The following RLF variants were observed in gnomAD, a reference collection of about 807,000 sequenced individuals.
RLF encodes zinc finger protein Rlf.
RLF carries 7 observed loss-of-function variants against 162.9 expected under a neutral mutation model. The ratio of observed to expected loss-of-function variants is 0.04; its 90% CI spans 0.02 to 0.08. The LOEUF (loss-of-function observed/expected upper bound fraction) is 0.08. Ranked by LOEUF, RLF falls within the 10% of genes least tolerant of loss-of-function variation. The pLI is 1.00. For missense variants in RLF, 1,664 were observed against 2,244.7 expected (o/e 0.74, Z 5.23); for synonymous variants, 782 against 791.5 (o/e 0.99, Z 0.20).
intron 3 of RLF, among the ~76,000 whole-genome samples, chr1:40,192,087 A>T (rs1642567558): frequency 6.6e-6 from 1 of 152,196 alleles, no homozygotes; most frequent in Non-Finnish European, 1.5e-5. Flanking sequence ...AAATGATATA[A>T]TGTTCTCTTT....
At chr1:40,162,268 T>A (rs1026170940) in intron 1 of RLF, among the ~76,000 whole-genome samples, 2 of 151,878 alleles carry the variant, frequency 1.3e-5, no homozygotes, top group African/African-American at 4.8e-5. Context: ...TAAGGCTGAC[T>A]CTTTGAGTAG....
chr1:40,176,166 C>A (rs754571114), intron 1 of RLF, among the ~76,000 whole-genome samples: 3 of 151,772 alleles, frequency 2.0e-5, no homozygotes, highest in African/African-American at 4.8e-5. Context: ...GAATTGTTTC[C>A]AGTTTTTGAC....
chr1:40,239,485 G>A lies in RLF; in HGVS notation c.4783G>A (p.Gly1595Ser), dbSNP rs772409278. Reference protein sequence around the residue: ...MENLVVCVKYGTKIKEEPPSE... With the variant: ...MENLVVCVKYSTKIKEEPPSE... ...GAATCTTGTTGTTTGCGTTAAGTACGGTACCAAAATTAAGGAGGAACCCCC... is the reference window on the plus strand; with the variant it reads ...GAATCTTGTTGTTTGCGTTAAGTACAGTACCAAAATTAAGGAGGAACCCCC... The change falls in exon 8 of 8, where the codon GGT (glycine) becomes AGT (serine). Residue 1595 changes from glycine (G) to serine (S), a missense_variant. Gly to Ser is a moderately conservative substitution (Grantham distance 56, BLOSUM62 0). Coordinates refer to ENST00000372771, the MANE Select transcript of RLF (RefSeq NM_012421.4). The A allele has an allele frequency of 3.2e-5, 51 of 1,613,780 alleles. No individual in the cohort carries two copies. Among genetic ancestry groups the A allele is most frequent in the East Asian group, 6.7e-5 (3 of 44,890 alleles).
chr1:40,194,844 TTATTTATG>T (rs1170443200), intron 3 of RLF, among the ~76,000 whole-genome samples: 1 of 121,160 alleles, frequency 8.3e-6, no homozygotes, highest in Non-Finnish European at 1.8e-5. Context: ...ATTTATTTAT[TTATTTATG>T]AGACGGAGTC....
chr1:40,185,094 T>C (rs1015400755), intron 1 of RLF, among the ~76,000 whole-genome samples: 1 of 151,948 alleles, frequency 6.6e-6, no homozygotes, highest in Non-Finnish European at 1.5e-5. Flanking sequence ...TTTTTTTAAT[T>C]GGCTGGGCAT....
At position 40,236,132 on chromosome 1, in the gene RLF, G is replaced by A. The variant is rs750185385; in HGVS notation, c.1430G>A (p.Arg477Gln). Residue 477 changes from arginine to glutamine, a missense_variant, in exon 8 of 8, where the codon CGA becomes CAA. Physicochemically the swap from Arg to Gln is conservative, Grantham distance 43. Coordinates refer to ENST00000372771, the MANE Select transcript of RLF (RefSeq NM_012421.4). The surrounding 1 kb of genome is among the most constrained non-coding windows in gnomAD (Gnocchi z 7.7). ...PEFWDWKTLK[R>Q]HCHQLLGQEA... ...TTTTGGGACTGGAAAACTTTAAAAC[G>A]ACACTGCCACCAACTTTTAGGACAA... 1.9e-6 allele frequency: 3 copies of A among 1,614,032 alleles called. No homozygotes were observed. Among genetic ancestry groups the A allele is most frequent in the South Asian group, 1.1e-5 (1 of 91,054 alleles).
intron 5 of RLF, among the ~76,000 whole-genome samples, chr1:40,207,524 T>G (rs866263236): frequency 6.6e-6 from 1 of 152,224 alleles, no homozygotes; most frequent in Admixed American, 6.5e-5. Context: ...GATCAGTGCT[T>G]GGGTCAATAG....
Position 40,240,308 on chromosome 1 carries a change from C to T in RLF, c.5606C>T (p.Thr1869Ile). 6.2e-7 allele frequency: 1 copy of T among 1,614,210 alleles called. No individual in the cohort carries two copies. The highest frequency in any genetic ancestry group is 1.3e-5 in the African/African-American group (1 of 75,062). The change falls in exon 8 of 8, where the codon ACA (threonine) becomes ATA (isoleucine). Residue 1869 changes from threonine (T) to isoleucine (I), a missense_variant. Physicochemically the swap from Thr to Ile is moderately conservative, Grantham distance 89. Coordinates refer to ENST00000372771, the MANE Select transcript of RLF (RefSeq NM_012421.4). ...NLRVVLDKAL[T>I]DCGELALKQL... ...AGGGTTGTATTGGACAAAGCATTAA[C>T]AGACTGTGGAGAGCTTGCCTTAAAA...
chr1:40,212,992 C>T (rs2124548426), intron 5 of RLF, among the ~76,000 whole-genome samples: 1 of 152,236 alleles, frequency 6.6e-6, no homozygotes, highest in East Asian at 1.9e-4. Flanking sequence ...CCACCTCCAC[C>T]ACCTTCTTTT....
chr1:40,191,664 A>AT (rs2124536427), intron 3 of RLF, among the ~76,000 whole-genome samples: 1 of 152,032 alleles, frequency 6.6e-6, no homozygotes, highest in African/African-American at 2.4e-5. Flanking sequence ...CTGCAGTGAG[A>AT]TATGATCACA....
At chr1:40,196,429 A>T (rs557795939) in intron 4 of RLF, among the ~76,000 whole-genome samples, 69 of 151,882 alleles carry the variant, frequency 4.5e-4, no homozygotes, top group Middle Eastern at 3.4e-3. Context: ...AGTTTTTTTT[A>T]TTTTATATAT....
intron 1 of RLF, among the ~76,000 whole-genome samples, chr1:40,184,255 AT>A (rs1159985709): frequency 6.6e-6 from 1 of 152,132 alleles, no homozygotes; most frequent in Admixed American, 6.6e-5. Context: ...TTGGACATTA[AT>A]TTTTTCAATG....
chr1:40,228,582 A>C (rs1185869027), intron 6 of RLF, among the ~76,000 whole-genome samples: 1 of 93,792 alleles, frequency 1.1e-5, no homozygotes, highest in Non-Finnish European at 2.5e-5. Flanking sequence ...ACTCCATCTC[A>C]AAAAAAAAAA....
At chr1:40,191,059 T>A (rs752380108) in intron 3 of RLF, among the ~76,000 whole-genome samples, 13 of 152,164 alleles carry the variant, frequency 8.5e-5, no homozygotes, top group Non-Finnish European at 1.8e-4. Context: ...TCTACATAGT[T>A]AGAAATCAAC....
At chr1:40,233,819 T>G (rs999714596) in intron 7 of RLF, among the ~76,000 whole-genome samples, 3 of 151,846 alleles carry the variant, frequency 2.0e-5, no homozygotes, top group Non-Finnish European at 2.9e-5. Context: ...GTTCTACTCT[T>G]TCCCCCTTCT....
intron 1 of RLF, among the ~76,000 whole-genome samples, chr1:40,186,832 G>A (rs1642487931): frequency 6.6e-6 from 1 of 152,166 alleles, no homozygotes; most frequent in Non-Finnish European, 1.5e-5. Context: ...TCCTGTGGGG[G>A]TGGAAGTGGG....
chr1:40,178,639 T>G (rs1001603976), intron 1 of RLF, among the ~76,000 whole-genome samples: 10 of 148,986 alleles, frequency 6.7e-5, no homozygotes, highest in East Asian at 1.9e-4. Context: ...TTTGTTTTTT[T>G]TTTTTTTTTG....
At chr1:40,170,507 CA>C (rs1642229526) in intron 1 of RLF, among the ~76,000 whole-genome samples, 1 of 152,172 alleles carries the variant, frequency 6.6e-6, no homozygotes, top group Non-Finnish European at 1.5e-5. Flanking sequence ...GTGAGCCTCC[CA>C]AAGTGCTGGG....
At position 40,239,427 on chromosome 1, in the gene RLF, G is replaced by C; in HGVS notation, c.4725G>C (p.Gln1575His). 6.2e-7 allele frequency: 1 copy of C among 1,614,032 alleles called. No homozygotes were observed. The highest frequency in any genetic ancestry group is 8.5e-7 in the Non-Finnish European group (1 of 1,180,042). The change falls in exon 8 of 8, where the codon CAG (glutamine) becomes CAC (histidine). Residue 1575 changes from glutamine to histidine, a missense_variant. By Grantham distance (24) the Gln-to-His change is conservative. Transcript: ENST00000372771. ...SIVRHYKRTH[Q>H]MSSAYLEQQM... ...TGAGGCATTACAAACGCACTCATCA[G>C]ATGAGTAGTGCCTATTTAGAGCAAC...
Sources: gnomAD v4.1 joint callset for allele counts (sites outside exome capture counted in the v4.1 genomes callset) on GRCh38, gnomAD v4.1.1 for gene constraint, Gnocchi (gnomAD v3.1) non-coding constraint, MANE v1.5 for transcripts, NCBI Gene and HGNC (gene_info 2026-07-23, HGNC 2026-07-21) for gene names.